The following ATE1 variants were observed in gnomAD, a reference collection of about 807,000 sequenced individuals.
ATE1 encodes arginyl-tRNA--protein transferase 1.
A neutral mutation model predicts 70.5 loss-of-function variants in ATE1; 36 were observed. The ratio of observed to expected loss-of-function variants is 0.51; its 90% CI spans 0.39 to 0.67. The LOEUF (loss-of-function observed/expected upper bound fraction) is 0.67, where lower values mean the gene tolerates loss of function less well. Ranked by LOEUF, ATE1 falls within the 30% of genes least tolerant of loss-of-function variation. The pLI, the probability that ATE1 is intolerant of heterozygous loss-of-function variation, is 0.00. For synonymous variants in ATE1, 232 were observed against 219.3 expected (o/e 1.06, Z -0.51); for missense variants, 593 against 629.5 (o/e 0.94, Z 0.62).
chr10:121,817,300 G>A (rs564146847), intron 10 of ATE1, among the ~76,000 whole-genome samples: 16 of 152,216 alleles, frequency 1.1e-4, no homozygotes, highest in African/African-American at 3.9e-4. Context: ...CAGTACTTTG[G>A]GAGGCCAAGG....
chr10:121,761,461 G>A (rs1206901162), intron 11 of ATE1, among the ~76,000 whole-genome samples: 1 of 59,440 alleles, frequency 1.7e-5, no homozygotes, highest in African/African-American at 5.0e-5. Context: ...AGCTATGTAT[G>A]ATAGTTTTTT....
intron 5 of ATE1, among the ~76,000 whole-genome samples, chr10:121,907,633 G>A (rs1951251109): frequency 6.6e-6 from 1 of 151,924 alleles, no homozygotes. Context: ...AATTAGCATG[G>A]TGGTGGGCGC....
intron 11 of ATE1, among the ~76,000 whole-genome samples, chr10:121,755,989 T>C (rs1162151537): frequency 6.6e-6 from 1 of 152,052 alleles, no homozygotes. Flanking sequence ...AACCCCAAAG[T>C]CCAAGTCCAA....
At chr10:121,826,382 T>A (rs1486907294) in intron 10 of ATE1, among the ~76,000 whole-genome samples, 1 of 152,192 alleles carries the variant, frequency 6.6e-6, no homozygotes, top group Non-Finnish European at 1.5e-5. Context: ...CTCGGCTTAC[T>A]GCAACCTCCA....
chr10:121,859,457 C>T (rs1211752745), intron 8 of ATE1, among the ~76,000 whole-genome samples: 14 of 151,734 alleles, frequency 9.2e-5, no homozygotes, highest in African/African-American at 2.9e-4. Context: ...GGGGTTTCAC[C>T]GTTTTAGCCG....
At chr10:121,862,532 A>ATTTTTTTTTTTTTTTTTT (rs35130703) in intron 8 of ATE1, among the ~76,000 whole-genome samples, 1 of 105,378 alleles carries the variant, frequency 9.5e-6, no homozygotes, top group Non-Finnish European at 1.8e-5. Context: ...AATTTTTTTA[A>ATTTTTTTTTTTTTTTTTT]TTTTTTTTTT....
chr10:121,906,404 T>C (rs1951192906), intron 5 of ATE1, among the ~76,000 whole-genome samples: 2 of 152,038 alleles, frequency 1.3e-5, no homozygotes, highest in South Asian at 2.1e-4. Flanking sequence ...TGACGTGTAC[T>C]GGTAGTCCCA....
chr10:121,908,434 G>A (rs1951287800), intron 5 of ATE1, among the ~76,000 whole-genome samples: 2 of 152,190 alleles, frequency 1.3e-5, no homozygotes, highest in Non-Finnish European at 2.9e-5. Context: ...GAACCCGGAG[G>A]TGGAGTCTGC....
At chr10:121,847,453 T>C (rs1200477252) in intron 8 of ATE1, among the ~76,000 whole-genome samples, 1 of 131,922 alleles carries the variant, frequency 7.6e-6, no homozygotes, top group Non-Finnish European at 1.6e-5. Flanking sequence ...GTCTCAAAAA[T>C]AGTAATAATA....
At chr10:121,875,633 TTTCAGCCA>T (rs1261694711) in intron 7 of ATE1, among the ~76,000 whole-genome samples, 1 of 152,072 alleles carries the variant, frequency 6.6e-6, no homozygotes, top group African/African-American at 2.4e-5. Context: ...TGTAAAAGGA[TTTCAGCCA>T]AACCACCTTC....
chr10:121,924,545 A>AC (rs1192638090), intron 1 of ATE1, among the ~76,000 whole-genome samples: 1 of 152,010 alleles, frequency 6.6e-6, no homozygotes, highest in Non-Finnish European at 1.5e-5. Flanking sequence ...CTAAAAATAC[A>AC]AAAATTTAGC....
chr10:121,825,611 G>A (rs1017388564), intron 10 of ATE1, among the ~76,000 whole-genome samples: 1 of 152,154 alleles, frequency 6.6e-6, no homozygotes, highest in Non-Finnish European at 1.5e-5. Context: ...CTTAGGAAGA[G>A]ACACAAACCA....
chr10:121,756,528 C>T (rs10886974), intron 11 of ATE1, among the ~76,000 whole-genome samples: 5,561 of 152,318 alleles, frequency 0.037, 364 homozygotes, highest in African/African-American at 0.12. Flanking sequence ...GAGGGCCCCA[C>T]TCCTGCAGCA....
intron 10 of ATE1, among the ~76,000 whole-genome samples, chr10:121,807,993 T>C (rs962455598): frequency 6.6e-6 from 1 of 152,046 alleles, no homozygotes; most frequent in Non-Finnish European, 1.5e-5. Context: ...CGACTCTTAC[T>C]GTAAAAAAAT....
chr10:121,822,195 C>A (rs569350836), intron 10 of ATE1, among the ~76,000 whole-genome samples: 45 of 152,236 alleles, frequency 3.0e-4, no homozygotes, highest in Non-Finnish European at 4.9e-4. Flanking sequence ...AAATAGTATA[C>A]CATACCCAGC....
intron 10 of ATE1, among the ~76,000 whole-genome samples, chr10:121,821,699 G>C (rs953783274): frequency 2.6e-5 from 4 of 152,178 alleles, no homozygotes; most frequent in African/African-American, 7.2e-5. Context: ...TGGCCAATAT[G>C]GGGGAACCCC....
intron 10 of ATE1, among the ~76,000 whole-genome samples, chr10:121,823,829 A>G (rs1947900838): frequency 6.6e-6 from 1 of 152,176 alleles, no homozygotes; most frequent in South Asian, 2.1e-4. Context: ...GCTTTAGGAT[A>G]CTCCAAAATT....
At chr10:121,840,038 A>T (rs1948572342) in intron 9 of ATE1, among the ~76,000 whole-genome samples, 1 of 152,206 alleles carries the variant, frequency 6.6e-6, no homozygotes, top group African/African-American at 2.4e-5. Flanking sequence ...GATAAACAAA[A>T]GAAAAATAGT....
chr10:121,779,158 T>A (rs1945874929), intron 11 of ATE1, among the ~76,000 whole-genome samples: 1 of 152,234 alleles, frequency 6.6e-6, no homozygotes, highest in African/African-American at 2.4e-5. Context: ...GGTACATTTA[T>A]CCTCTCTTCA....
Sources: allele counts gnomAD v4.1 joint callset (sites outside exome capture counted in the v4.1 genomes callset), GRCh38; gene constraint gnomAD v4.1.1; transcripts MANE v1.5; gene names NCBI Gene and HGNC (gene_info 2026-07-23, HGNC 2026-07-21).